KDM4C: variants seen among roughly 807,000 people sequenced by gnomAD.
KDM4C encodes lysine demethylase 4C.
In KDM4C, 81 loss-of-function variants were observed where a neutral mutation model predicts 129.3. That is an observed-to-expected ratio of 0.63 (90% confidence interval 0.52 to 0.75). KDM4C has a LOEUF of 0.75. Ranked by LOEUF, KDM4C falls within the 30% of genes least tolerant of loss-of-function variation. The probability of loss-of-function intolerance (pLI) is 0.00; values close to 1 mark genes in which losing one functional copy is unlikely to be tolerated. For missense variants in KDM4C, 1,457 were observed against 1,304.0 expected, an observed-to-expected ratio of 1.12 and a Z score of -1.81; for synonymous variants, 573 against 456.1, an observed-to-expected ratio of 1.26 and a Z score of -3.26.
chr9:6,929,123 C>T (rs190725097), intron 8 of KDM4C, among the ~76,000 whole-genome samples: 22 of 152,338 alleles, frequency 1.4e-4, no homozygotes, highest in Non-Finnish European at 1.5e-5. Context: ...TCCTCACCCT[C>T]AGCTAGAAGT....
chr9:7,053,667 A>T (rs2132608135), intron 17 of KDM4C, among the ~76,000 whole-genome samples: 1 of 152,344 alleles, frequency 6.6e-6, no homozygotes, highest in South Asian at 2.1e-4. Context: ...AAAACCTAAA[A>T]CATTTTAATG....
intron 17 of KDM4C, among the ~76,000 whole-genome samples, chr9:7,078,304 A>C (rs570303455): frequency 1.3e-5 from 2 of 152,274 alleles, no homozygotes; most frequent in African/African-American, 4.8e-5. Flanking sequence ...TTATTTAAAC[A>C]CCATAGTTTT....
In KDM4C at chr9:7,015,916, A is replaced by G; in HGVS notation, c.2246A>G (p.Asn749Ser). 6.2e-7 allele frequency: 1 copy of G among 1,612,034 alleles called. No homozygotes were observed. Among genetic ancestry groups the G allele is most frequent in the Non-Finnish European group, 8.5e-7 (1 of 1,178,386 alleles). Residue 749 changes from asparagine (N) to serine (S), a missense_variant, in exon 15 of 22, where the codon AAT becomes AGT. Coordinates refer to ENST00000381309, the MANE Select transcript of KDM4C (RefSeq NM_015061.6). ...TGGCTGTGTGCCCGGTGCAAAAGAA[A>G]TGCGTGGACAGCAGTAAGTAGCTTA... ...DGWLCARCKR[N>S]AWTAECCLCN...
At chr9:7,029,105 A>G (rs1187899156) in intron 15 of KDM4C, among the ~76,000 whole-genome samples, 3 of 152,082 alleles carry the variant, frequency 2.0e-5, no homozygotes, top group African/African-American at 2.4e-5. Context: ...GGAGCCTTCT[A>G]TTTGGCCATC....
chr9:7,019,645 G>A (rs76106506), intron 15 of KDM4C, among the ~76,000 whole-genome samples: 3,353 of 143,286 alleles, frequency 0.023, 156 homozygotes, highest in African/African-American at 0.084. Flanking sequence ...GTATGTGGTG[G>A]TTCTATTTTT....
At chr9:7,057,647 A>C (rs2381540) in intron 17 of KDM4C, among the ~76,000 whole-genome samples, 117,887 of 152,198 alleles carry the variant, frequency 0.77, 45,858 homozygotes, top group African/African-American at 0.82. Flanking sequence ...CTTTATTTTT[A>C]TAACACTGTT....
upstream of KDM4C, among the ~76,000 whole-genome samples, chr9:6,753,279 C>T (rs1315948482): frequency 1.3e-5 from 2 of 152,142 alleles, no homozygotes; most frequent in South Asian, 2.1e-4. Flanking sequence ...GAAAGTCTTC[C>T]AACTCAGGCC....
At chr9:6,852,092 G>A (rs373386510) in intron 5 of KDM4C, among the ~76,000 whole-genome samples, 1 of 152,102 alleles carries the variant, frequency 6.6e-6, no homozygotes, top group African/African-American at 2.4e-5. Context: ...AACTACTGTA[G>A]GAAGAGAGTG....
chr9:7,008,442 C>T (rs186801067), intron 12 of KDM4C, among the ~76,000 whole-genome samples: 196 of 152,296 alleles, frequency 1.3e-3, no homozygotes, highest in Admixed American at 2.2e-3. Flanking sequence ...ACTCCAGGCT[C>T]ACTCCAGAGC....
At chr9:6,807,539 A>C (rs1401379554) in intron 3 of KDM4C, among the ~76,000 whole-genome samples, 11 of 133,368 alleles carry the variant, frequency 8.2e-5, no homozygotes, top group African/African-American at 1.2e-4. Flanking sequence ...CCGCCGCCCC[A>C]TCTGGGATGT....
intron 1 of KDM4C, 102 bp from the exon 2 acceptor site, chr9:6,792,870 A>G: frequency 8.5e-7 from 1 of 1,181,832 alleles, no homozygotes; most frequent in Non-Finnish European, 1.2e-6. Context: ...GAAGTGACTG[A>G]AAGAGAAGGG....
At chr9:6,879,628 A>C (rs1285756789) in intron 5 of KDM4C, among the ~76,000 whole-genome samples, 1 of 152,236 alleles carries the variant, frequency 6.6e-6, no homozygotes, top group Non-Finnish European at 1.5e-5. Context: ...AAAATCAACC[A>C]ACCACAAAAC....
intron 4 of KDM4C, among the ~76,000 whole-genome samples, chr9:6,848,917 C>G (rs1588677157): frequency 6.6e-6 from 1 of 152,148 alleles, no homozygotes; most frequent in Non-Finnish European, 1.5e-5. Context: ...TCAGTAGAAG[C>G]ACAGTGATCA....
chr9:6,908,426 G>C (rs1009981574), intron 8 of KDM4C, among the ~76,000 whole-genome samples: 1 of 152,194 alleles, frequency 6.6e-6, no homozygotes, highest in East Asian at 1.9e-4. Context: ...CTTACAAGCT[G>C]ACAAGTAGCA....
upstream of KDM4C, among the ~76,000 whole-genome samples, chr9:6,753,339 G>C (rs1818136708): frequency 6.6e-6 from 1 of 152,178 alleles, no homozygotes; most frequent in Non-Finnish European, 1.5e-5. Flanking sequence ...CTTGTTCCAT[G>C]ATTATTAAAT....
At position 6,964,698 on chromosome 9, in the gene KDM4C, C is replaced by T. The variant is rs555039492; in HGVS notation, c.922-16227C>T. ...TCGTGAGGCTGAGGCAGGAGAATGG[C>T]GTGAACCCGGGAGGTGGAGCTTGCA... On this transcript the variant is annotated intron_variant, in intron 8 of 21. Coordinates refer to ENST00000381309, the MANE Select transcript of KDM4C (RefSeq NM_015061.6). 3.8e-3 allele frequency among the ~76,000 whole-genome samples: 562 copies of T among 147,474 alleles called. 1 individual carries two copies. The highest frequency in any genetic ancestry group is 6.2e-3 in the Non-Finnish European group (416 of 67,564).
intron 19 of KDM4C, among the ~76,000 whole-genome samples, chr9:7,144,554 A>T (rs1392659405): frequency 6.6e-6 from 1 of 152,150 alleles, no homozygotes; most frequent in Non-Finnish European, 1.5e-5. Context: ...GTCTCTTCCC[A>T]TTCTCGTAGG....
At chr9:6,721,429 A>G (rs1412608650) in intron 1 of KDM4C, among the ~76,000 whole-genome samples, 2 of 151,536 alleles carry the variant, frequency 1.3e-5, no homozygotes, top group South Asian at 2.1e-4. Context: ...GACCACAGGC[A>G]TGTGCCACGA....
chr9:7,102,896 C>A (rs1270436820), intron 17 of KDM4C, among the ~76,000 whole-genome samples: 3 of 152,162 alleles, frequency 2.0e-5, no homozygotes, highest in African/African-American at 7.2e-5. Flanking sequence ...TCACAACTTA[C>A]ATTTAGTGAA....
Sources: gnomAD v4.1 joint callset for allele counts (sites outside exome capture counted in the v4.1 genomes callset) on GRCh38, gnomAD v4.1.1 for gene constraint, MANE v1.5 for transcripts, NCBI Gene and HGNC (gene_info 2026-07-23, HGNC 2026-07-21) for gene names.